Variants in ADAMTS2 observed in about 807,000 individuals in gnomAD.
ADAMTS2 encodes ADAM metallopeptidase with thrombospondin type 1 motif 2, also known as A disintegrin and metalloproteinase with thrombospondin motifs 2.
A neutral mutation model predicts 123.0 loss-of-function variants in ADAMTS2; 50 were observed. The observed-to-expected ratio is 0.41, with a 90% CI of 0.32 to 0.51. The LOEUF (loss-of-function observed/expected upper bound fraction) is 0.51, where lower values mean the gene tolerates loss of function less well. Among genes scored for constraint, ADAMTS2 ranks in the 20% least tolerant of loss-of-function variants. ADAMTS2 has a pLI of 0.35. For missense variants in ADAMTS2, 1,494 were observed against 1,705.2 expected (o/e 0.88, Z 2.18); for synonymous variants, 678 against 695.4 (o/e 0.98, Z 0.39).
chr5:179,271,625 G>A (rs1167698054), intron 3 of ADAMTS2, among the ~76,000 whole-genome samples: 3 of 152,192 alleles, frequency 2.0e-5, no homozygotes, highest in Admixed American at 6.5e-5. Flanking sequence ...GAAAAGGCTG[G>A]GCAGGCAGTA....
intron 12 of ADAMTS2, 134 bp downstream of exon 12, chr5:179,137,635 C>G (rs1763087573): frequency 8.0e-7 from 1 of 1,253,792 alleles, no homozygotes; most frequent in Non-Finnish European, 1.1e-6. Flanking sequence ...GCCACACCAG[C>G]CAGGGTGGGC....
intron 3 of ADAMTS2, among the ~76,000 whole-genome samples, chr5:179,241,610 C>A (rs1358380352): frequency 1.3e-5 from 2 of 152,166 alleles, no homozygotes; most frequent in African/African-American, 4.8e-5. Flanking sequence ...AAGAGCACAG[C>A]CTTCTTGAAG....
intron 11 of ADAMTS2, 66 bp downstream of exon 11, chr5:179,139,824 T>G: frequency 6.2e-7 from 1 of 1,604,286 alleles, no homozygotes; most frequent in Non-Finnish European, 8.5e-7. Flanking sequence ...CAGGGCTGGC[T>G]GGAGAGGGTC....
At chr5:179,263,724 G>A (rs338882) in intron 3 of ADAMTS2, among the ~76,000 whole-genome samples, 76,336 of 152,106 alleles carry the variant, frequency 0.5, 19,321 homozygotes, top group South Asian at 0.6. Context: ...AAACGTGTGT[G>A]TGCACAGGCA....
At chr5:179,195,095 C>T (rs1404337509) in intron 4 of ADAMTS2, among the ~76,000 whole-genome samples, 1 of 152,226 alleles carries the variant, frequency 6.6e-6, no homozygotes, top group East Asian at 1.9e-4. Flanking sequence ...AGGCACCCTT[C>T]CCTGATGAAC....
intron 3 of ADAMTS2, among the ~76,000 whole-genome samples, chr5:179,261,313 A>G (rs1204348839): frequency 1.3e-5 from 2 of 152,264 alleles, no homozygotes; most frequent in African/African-American, 4.8e-5. Context: ...CTGCCGGAGC[A>G]GCAAAATATT....
chr5:179,344,419 C>T (rs1052732012), intron 1 of ADAMTS2, among the ~76,000 whole-genome samples: 9 of 152,210 alleles, frequency 5.9e-5, no homozygotes, highest in South Asian at 2.1e-4. Context: ...AAGAGCTCTG[C>T]CCCCTGCCCC....
chr5:179,128,230 C>A lies in ADAMTS2; in HGVS notation c.2458-112G>T. The A allele has an allele frequency of 1.5e-6, 2 of 1,341,584 alleles. No homozygotes were observed. The highest frequency in any genetic ancestry group is 2.1e-6 in the Non-Finnish European group (2 of 961,504). 83.1% of individuals were successfully genotyped at this position (1,341,584 alleles called of 1,614,324 possible). On this transcript the variant is annotated intron_variant, in intron 16 of 21. Transcript: ENST00000251582. This position sits in a 1 kb window ranked among gnomAD's most constrained non-coding sequence, Gnocchi z 4.9. ...TCCAGAGGAGTCTCATCATTCATGG[C>A]AGTTACATTCCATGAAGTCGCCCCG...
At chr5:179,168,197 G>A (rs1208173316) in intron 5 of ADAMTS2, among the ~76,000 whole-genome samples, 1 of 152,192 alleles carries the variant, frequency 6.6e-6, no homozygotes, top group Non-Finnish European at 1.5e-5. Context: ...CTCCTTGCCA[G>A]AACCCAGTGG....
At chr5:179,178,641 G>A (rs1202246403) in intron 5 of ADAMTS2, among the ~76,000 whole-genome samples, 5 of 152,206 alleles carry the variant, frequency 3.3e-5, no homozygotes, top group Non-Finnish European at 5.9e-5. Context: ...ATAGGTCAGA[G>A]GGTTGCTTTT....
Position 179,164,922 on chromosome 5 carries a change from G to A in ADAMTS2, c.976-6043C>T, listed in dbSNP as rs1450010919. On this transcript the variant is annotated intron_variant, in intron 5 of 21. Transcript: ENST00000251582. ...GCCTTGGGTTCTGCATGCCTCTAAG[G>A]ACTCCTCACAGAAAGAAACTGATGT... Among the ~76,000 whole-genome samples, 7 of 152,150 alleles carry A rather than the reference G, an allele frequency of 4.6e-5. No individual in the cohort carries two copies. In the East Asian group the frequency reaches 1.2e-3, roughly 25 times the overall value.
At position 179,153,591 on chromosome 5, in the gene ADAMTS2, G is replaced by A. The variant is rs1188955409; in HGVS notation, c.1415C>T (p.Ala472Val). The A allele has an allele frequency of 6.2e-7, 1 of 1,607,082 alleles. No homozygotes were observed. ...CTGGGGCAGCGCCGGCCAGTCGTGGGCGAAGGGGTCATCCAGCAGGCAGTC... is the reference window on the plus strand; with the variant it reads ...CTGGGGCAGCGCCGGCCAGTCGTGGACGAAGGGGTCATCCAGCAGGCAGTC... ...SYDCLLDDPF[A>V]HDWPALPQLP... is the part of the protein sequence containing the mutation. The change falls in exon 9 of 22, where the codon GCC (alanine) becomes GTC (valine). Residue 472 changes from alanine (A) to valine (V), a missense_variant. By Grantham distance (64) the Ala-to-Val change is moderately conservative. Around this residue, in one of 6 missense-constraint regions of ADAMTS2, gnomAD observed 953 missense variants for 1,124.7 expected, o/e 0.85. Transcript: ENST00000251582.
At chr5:179,258,398 G>A (rs1036506684) in intron 3 of ADAMTS2, among the ~76,000 whole-genome samples, 7 of 152,114 alleles carry the variant, frequency 4.6e-5, no homozygotes, top group South Asian at 2.1e-4. Flanking sequence ...CCTGCTGGAC[G>A]TCGCCTGGCC....
intron 4 of ADAMTS2, among the ~76,000 whole-genome samples, chr5:179,193,875 T>C (rs1382837391): frequency 1.3e-5 from 2 of 152,006 alleles, no homozygotes; most frequent in East Asian, 3.9e-4. Context: ...GCAACTCAGC[T>C]CCAGGGGCAG....
In ADAMTS2 at chr5:179,201,284, T is replaced by G. The variant is rs552924899; in HGVS notation, c.891+6229A>C. Among the ~76,000 whole-genome samples the G allele has an allele frequency of 1.1e-4, 16 of 152,350 alleles. No individual in the cohort carries two copies. The South Asian group carries it at 2.5e-3, about 24-fold the overall frequency. On this transcript the variant is annotated intron_variant, in intron 4 of 21. Coordinates refer to ENST00000251582, the MANE Select transcript of ADAMTS2 (RefSeq NM_014244.5). ...AGCACGAGCGATAGATTCAACTCTA[T>G]GAACGTGATACAGTTAGTGGCATGT... is the stretch of plus-strand genomic sequence containing the variant.
chr5:179,281,823 A>G (rs1007545871), intron 2 of ADAMTS2, among the ~76,000 whole-genome samples: 2 of 152,168 alleles, frequency 1.3e-5, no homozygotes, highest in African/African-American at 4.8e-5. Flanking sequence ...CATTATTCTT[A>G]GGCTCTTTGA....
intron 17 of ADAMTS2, among the ~76,000 whole-genome samples, chr5:179,127,229 C>A (rs1347946112): frequency 6.6e-6 from 1 of 152,120 alleles, no homozygotes; most frequent in Non-Finnish European, 1.5e-5. Flanking sequence ...CAGGAATCAC[C>A]AGGGGTGGAT....
chr5:179,169,681 T>C (rs1202843218), intron 5 of ADAMTS2, among the ~76,000 whole-genome samples: 2 of 152,180 alleles, frequency 1.3e-5, no homozygotes, highest in Non-Finnish European at 2.9e-5. Flanking sequence ...CTTCACTTCC[T>C]GGCCTTCCTG....
At position 179,314,501 on chromosome 5, in the gene ADAMTS2, C is replaced by CA. The variant is rs1380218692; in HGVS notation, c.534+29265dup. On this transcript the variant is annotated intron_variant, in intron 2 of 21. Transcript: ENST00000251582. The surrounding 1 kb of genome is among the most constrained non-coding windows in gnomAD (Gnocchi z 4.5). ...AGTAGTAAATGCACCGTGCTGTACT[C>CA]AGAGCCCAGGAAGCAGCCCTCCCAC... Among the ~76,000 whole-genome samples the CA allele has an allele frequency of 6.6e-6, 1 of 152,182 alleles. No homozygotes were observed. The highest frequency in any genetic ancestry group is 1.5e-5 in the Non-Finnish European group (1 of 68,004).
Sources: allele counts gnomAD v4.1 joint callset (sites outside exome capture counted in the v4.1 genomes callset), GRCh38; gene constraint gnomAD v4.1.1; regional missense constraint gnomAD v4.1.1; non-coding constraint Gnocchi (gnomAD v3.1); transcripts MANE v1.5; gene names NCBI Gene and HGNC (gene_info 2026-07-23, HGNC 2026-07-21).